The following CEP290 variants were observed in gnomAD, a reference collection of about 807,000 sequenced individuals.
CEP290 encodes the protein centrosomal protein of 290 kDa.
CEP290 carries 317 observed loss-of-function variants against 344.9 expected under a neutral mutation model. The observed-to-expected ratio is 0.92, with a 90% confidence interval of 0.84 to 1.01. The LOEUF is 1.01. Among genes scored for constraint, CEP290 ranks in the 50% least tolerant of loss-of-function variants. The pLI is 0.00. For synonymous variants in CEP290, 932 were observed against 895.8 expected (o/e 1.04, Z -0.72); for missense variants, 2,754 against 2,761.4 (o/e 1.00, Z 0.06).
At chr12:88,104,533 T>C (rs2038130471) in intron 25 of CEP290, among the ~76,000 whole-genome samples, 1 of 151,822 alleles carries the variant, frequency 6.6e-6, no homozygotes, top group African/African-American at 2.4e-5. Context: ...GATTAAATAT[T>C]TTGCATATAT....
rs878855334 is a variant in CEP290 at position 88,077,224 on chromosome 12, T to C, written c.5707A>G (p.Lys1903Glu). The change falls in exon 41 of 54, where the codon AAG becomes GAG. Residue 1903 changes from lysine to glutamate, a missense_variant and splice_region_variant. By Grantham distance (56) the Lys-to-Glu change is moderately conservative. Coordinates refer to ENST00000552810, the MANE Select transcript of CEP290 (RefSeq NM_025114.4). ...AGTCAGTATGTTTCTTCACATACCT[T>C]TTCTTTCATAGGTTTTAGGTCTACT... ...EEVDLKPMKE[K>E]NAKEELIRWE... 1.2e-6 allele frequency: 2 copies of C among 1,600,384 alleles called. No individual in the cohort carries two copies. The highest frequency in any genetic ancestry group is 3.5e-5 in the Admixed American group (2 of 57,838).
chr12:88,138,655 C>G (rs565820537), intron 5 of CEP290, among the ~76,000 whole-genome samples: 11 of 152,326 alleles, frequency 7.2e-5, no homozygotes, highest in Admixed American at 1.3e-4. Context: ...TACACATCCA[C>G]TCTTCCCACG....
chr12:88,114,322 C>T, intron 20 of CEP290, 98 bp downstream of exon 20: 1 of 945,648 alleles, frequency 1.1e-6, no homozygotes, highest in Admixed American at 3.6e-5. Context: ...ATTCAAATGA[C>T]TAAAAATATC....
intron 6 of CEP290, among the ~76,000 whole-genome samples, chr12:88,133,719 CA>C (rs2040208120): frequency 6.6e-6 from 1 of 151,910 alleles, no homozygotes; most frequent in Admixed American, 6.6e-5. Flanking sequence ...TGACATTTTT[CA>C]AAATAAAAAT....
chr12:88,106,963 A>G (rs1213405499), intron 24 of CEP290, 33 bp downstream of exon 24: 7 of 1,541,956 alleles, frequency 4.5e-6, no homozygotes, highest in African/African-American at 4.1e-5. Context: ...TTTGTACAAT[A>G]TTGCATACTA....
intron 41 of CEP290, among the ~76,000 whole-genome samples, chr12:88,076,285 T>G (rs1249959054): frequency 6.6e-6 from 1 of 152,184 alleles, no homozygotes; most frequent in African/African-American, 2.4e-5. Context: ...TGAATTTTCA[T>G]AGAAAATAAT....
At chr12:88,072,018 T>C (rs983704764) in intron 41 of CEP290, 92 bp from the exon 42 acceptor site, 11 of 1,148,406 alleles carry the variant, frequency 9.6e-6, no homozygotes, top group Non-Finnish European at 1.3e-5. Context: ...AGAAAAATTG[T>C]AAACTAATAT....
chr12:88,131,890 T>C (rs2040095138), intron 6 of CEP290, among the ~76,000 whole-genome samples: 1 of 152,190 alleles, frequency 6.6e-6, no homozygotes. Context: ...TTGCTCTCAG[T>C]GAACATAAAT....
chr12:88,126,377 C>A lies in CEP290; in HGVS notation c.1004G>T (p.Arg335Met). ...AAGCTGAGCATTCTTAAGTTTCTCCCTTAGGTTATGTAACATTTGCTGATA... is the reference window on the plus strand; with the variant it reads ...AAGCTGAGCATTCTTAAGTTTCTCCATTAGGTTATGTAACATTTGCTGATA... ...IEYQQMLHNLREKLKNAQLDA... is the reference protein window; with the variant it reads ...IEYQQMLHNLMEKLKNAQLDA... The change falls in exon 12 of 54, where the codon AGG (arginine) becomes ATG (methionine). Residue 335 changes from arginine to methionine, a missense_variant. Coordinates refer to ENST00000552810, the MANE Select transcript of CEP290 (RefSeq NM_025114.4). 1 of 1,518,242 alleles carries A rather than the reference C, an allele frequency of 6.6e-7. No homozygotes were observed. The allele number at this position is 1,518,242 out of a possible 1,614,324, so 94.0% of individuals were successfully genotyped here. A position where few individuals can be genotyped will look rare whatever the true frequency, so the allele number is the denominator to read the frequency against.
chr12:88,101,171 A>G (rs1050753966), intron 26 of CEP290, among the ~76,000 whole-genome samples: 9 of 152,096 alleles, frequency 5.9e-5, no homozygotes, highest in African/African-American at 2.2e-4. Flanking sequence ...CAATAGGGAT[A>G]GGTATGAGAT....
intron 50 of CEP290, 77 bp downstream of exon 50, chr12:88,055,499 C>T: frequency 8.0e-7 from 1 of 1,253,892 alleles, no homozygotes; most frequent in Non-Finnish European, 1.1e-6. Flanking sequence ...CCATTTTTAT[C>T]TATATAAGAC....
In CEP290 at chr12:88,050,299, A is replaced by C. The variant is rs1429920829; in HGVS notation, c.7209+55T>G. On this transcript the variant is annotated intron_variant, in intron 53 of 53. Transcript: ENST00000552810. Reference sequence around the variant, plus strand: ...TACGTAGTTAAAGATGGTAATGAAAATAGTTTTCAACAGCTGTTTTCACAA... The same window carrying C: ...TACGTAGTTAAAGATGGTAATGAAACTAGTTTTCAACAGCTGTTTTCACAA... 4 of 834,650 alleles carry C rather than the reference A, an allele frequency of 4.8e-6. No individual in the cohort carries two copies. The African/African-American group carries it at 6.9e-5, about 14-fold the overall frequency. 51.7% of individuals were successfully genotyped at this position (834,650 alleles called of 1,614,324 possible).
intron 44 of CEP290, among the ~76,000 whole-genome samples, chr12:88,066,623 C>T (rs1220838266): frequency 1.3e-5 from 2 of 151,616 alleles, no homozygotes; most frequent in East Asian, 1.9e-4. Flanking sequence ...TATACTTAGG[C>T]ACAGAGCCTA....
chr12:88,141,156 A>G (rs776068139), intron 2 of CEP290, 50 bp downstream of exon 2: 4 of 1,308,544 alleles, frequency 3.1e-6, no homozygotes, highest in South Asian at 1.6e-5. Context: ...TTATTAATAA[A>G]TTAATCATAA....
chr12:88,097,009 G>A lies in CEP290; in HGVS notation c.2992-10C>T. On this transcript the variant is annotated splice_polypyrimidine_tract_variant and intron_variant, in intron 26 of 53. Transcript: ENST00000552810. ...AGGAGATGTTTTCACACTGAATAAA[G>A]GAAAAATATCACTAAGAAACTACAT... The A allele has an allele frequency of 1.5e-6, 2 of 1,352,318 alleles. No individual in the cohort carries two copies. The highest frequency in any genetic ancestry group is 2.5e-5 in the East Asian group (1 of 40,110). The allele number at this position is 1,352,318 out of a possible 1,614,324, so 83.8% of individuals were successfully genotyped here. A position where few individuals can be genotyped will look rare whatever the true frequency, so the allele number is the denominator to read the frequency against.
At chr12:88,054,310 A>C in intron 51 of CEP290, 30 bp downstream of exon 51, 1 of 1,469,270 alleles carries the variant, frequency 6.8e-7, no homozygotes, top group Non-Finnish European at 9.3e-7. Context: ...AAAGAAAAAA[A>C]CAAAGTAGTC....
At position 88,086,392 on chromosome 12, in the gene CEP290, T is replaced by C. The variant is rs976926346; in HGVS notation, c.4301A>G (p.Lys1434Arg). 8 of 1,578,908 alleles carry C rather than the reference T, an allele frequency of 5.1e-6. No homozygotes were observed. Among genetic ancestry groups the C allele is most frequent in the Non-Finnish European group, 6.0e-6 (7 of 1,159,710 alleles). Residue 1434 changes from lysine to arginine, a missense_variant and splice_region_variant, in exon 33 of 54, where the codon AAG becomes AGG. Coordinates refer to ENST00000552810, the MANE Select transcript of CEP290 (RefSeq NM_025114.4). ...QQNEILNAAQKFEEATGSIPD... is the reference protein window; with the variant it reads ...QQNEILNAAQRFEEATGSIPD... ...ACAAACAAGATTAATCATTCATACCTTTTGTGCCGCATTTAGTATTTCATT... is the reference window on the plus strand; with the variant it reads ...ACAAACAAGATTAATCATTCATACCCTTTGTGCCGCATTTAGTATTTCATT...
At chr12:88,097,683 C>G (rs1249603627) in intron 26 of CEP290, among the ~76,000 whole-genome samples, 1 of 151,382 alleles carries the variant, frequency 6.6e-6, no homozygotes, top group East Asian at 1.9e-4. Context: ...CATCCAAATC[C>G]TGTGTTATCC....
intron 26 of CEP290, among the ~76,000 whole-genome samples, chr12:88,097,608 CAT>C (rs1555213433): frequency 0.03 from 2,090 of 69,010 alleles, 82 homozygotes; most frequent in East Asian, 0.17. Context: ...CACACACACA[CAT>C]ACACACACAC....
Sources: gnomAD v4.1 joint callset for allele counts (sites outside exome capture counted in the v4.1 genomes callset) on GRCh38, gnomAD v4.1.1 for gene constraint, MANE v1.5 for transcripts, NCBI Gene and HGNC (gene_info 2026-07-23, HGNC 2026-07-21) for gene names.